Variants in CAMTA1 observed in about 807,000 individuals in gnomAD.
CAMTA1 encodes the protein calmodulin-binding transcription activator 1.
In CAMTA1, 27 loss-of-function variants were observed where a neutral mutation model predicts 170.9. The observed-to-expected ratio is 0.16, with a 90% CI of 0.12 to 0.22. The LOEUF is 0.22. Among genes scored for constraint, CAMTA1 ranks in the 10% least tolerant of loss-of-function variants. The pLI is 1.00. For synonymous variants in CAMTA1, 833 were observed against 891.5 expected (o/e 0.93, Z 1.17); for missense variants, 1,619 against 2,217.2 (o/e 0.73, Z 5.42).
At chr1:6,829,957 A>G (rs905834806) in intron 3 of CAMTA1, among the ~76,000 whole-genome samples, 6 of 152,186 alleles carry the variant, frequency 3.9e-5, no homozygotes, top group African/African-American at 1.4e-4. Context: ...TTCTTAGGAA[A>G]GTAGTTTTGA....
intron 3 of CAMTA1, among the ~76,000 whole-genome samples, chr1:6,992,939 T>C (rs1311217111): frequency 6.6e-6 from 1 of 152,248 alleles, no homozygotes; most frequent in African/African-American, 2.4e-5. Context: ...ATTGTTATTT[T>C]CCATAGTGAT....
intron 6 of CAMTA1, among the ~76,000 whole-genome samples, chr1:7,507,177 A>G (rs1489418967): frequency 6.6e-6 from 1 of 151,368 alleles, no homozygotes. Flanking sequence ...ACACGCTCAC[A>G]CTCACATACA....
chr1:6,975,347 A>G (rs1693227783), intron 3 of CAMTA1, among the ~76,000 whole-genome samples: 1 of 152,222 alleles, frequency 6.6e-6, no homozygotes. Flanking sequence ...GCGTCACTGC[A>G]TGCAAATTGT....
chr1:7,349,709 G>A (rs1027181342), intron 5 of CAMTA1, among the ~76,000 whole-genome samples: 1 of 152,204 alleles, frequency 6.6e-6, no homozygotes, highest in African/African-American at 2.4e-5. Context: ...ATCAGGGCCT[G>A]CCCTCCTGAC....
At chr1:7,613,930 G>C (rs542077172) in intron 6 of CAMTA1, among the ~76,000 whole-genome samples, 3 of 149,088 alleles carry the variant, frequency 2.0e-5, no homozygotes, top group African/African-American at 5.0e-5. Context: ...GAGAGATGGT[G>C]GGGGGGCAGG....
At chr1:7,601,165 C>G (rs1214103704) in intron 6 of CAMTA1, among the ~76,000 whole-genome samples, 1 of 116,278 alleles carries the variant, frequency 8.6e-6, no homozygotes. Flanking sequence ...AGGGGGCTGA[C>G]CCCCACCTCC....
At chr1:7,707,010 C>A (rs2096531586) in intron 11 of CAMTA1, among the ~76,000 whole-genome samples, 1 of 151,820 alleles carries the variant, frequency 6.6e-6, no homozygotes, top group African/African-American at 2.4e-5. Flanking sequence ...CCTCAGTCTC[C>A]CGAGTAGCTG....
At chr1:7,728,224 C>T (rs2096705575) in intron 11 of CAMTA1, among the ~76,000 whole-genome samples, 1 of 152,196 alleles carries the variant, frequency 6.6e-6, no homozygotes, top group African/African-American at 2.4e-5. Context: ...CGGGTGACGC[C>T]GTGGGCAGGG....
At chr1:7,536,549 C>T (rs1467373535) in intron 6 of CAMTA1, among the ~76,000 whole-genome samples, 1 of 152,148 alleles carries the variant, frequency 6.6e-6, no homozygotes, top group African/African-American at 2.4e-5. Context: ...CTGGGCAGGC[C>T]TTGACAGGGG....
chr1:7,419,312 T>A (rs949402152), intron 5 of CAMTA1, among the ~76,000 whole-genome samples: 1 of 152,150 alleles, frequency 6.6e-6, no homozygotes, highest in Non-Finnish European at 1.5e-5. Flanking sequence ...TCTGCCACCA[T>A]TCCTGGCTAA....
intron 19 of CAMTA1, among the ~76,000 whole-genome samples, chr1:7,749,195 T>C (rs897996358): frequency 1.3e-5 from 2 of 152,210 alleles, no homozygotes; most frequent in African/African-American, 4.8e-5. Flanking sequence ...CTAATATGTG[T>C]AATGGTCACA....
intron 5 of CAMTA1, among the ~76,000 whole-genome samples, chr1:7,451,397 C>T (rs2092821062): frequency 6.6e-6 from 1 of 152,142 alleles, no homozygotes; most frequent in African/African-American, 2.4e-5. Context: ...AGGTGGCCGC[C>T]CTCGCCACTG....
chr1:6,987,720 T>C (rs1184386579), intron 3 of CAMTA1, among the ~76,000 whole-genome samples: 1 of 152,212 alleles, frequency 6.6e-6, no homozygotes. Context: ...TCGTTGCTAT[T>C]GGATGCAATG....
chr1:7,745,933 C>G lies in CAMTA1; in HGVS notation c.4459C>G (p.Pro1487Ala). The G allele has an allele frequency of 3.1e-6, 5 of 1,614,160 alleles. No individual in the cohort carries two copies. Among genetic ancestry groups the G allele is most frequent in the Non-Finnish European group, 4.2e-6 (5 of 1,180,038 alleles). The change falls in exon 18 of 23, where the codon CCT becomes GCT. Residue 1487 changes from proline to alanine, a missense_variant. Pro to Ala is a conservative substitution (Grantham distance 27). This residue lies in a region of CAMTA1 where 370 missense variants were observed against 429.4 expected (regional missense o/e 0.86). Transcript: ENST00000303635. ...SPVSEIAFEKPNLPSAADWSE... is the reference protein window; with the variant it reads ...SPVSEIAFEKANLPSAADWSE... The stretch of plus-strand genomic sequence containing the variant: ...CGTCAGTGAAATCGCTTTCGAGAAA[C>G]CTAACCTTCCCTCCGCCGCGGATTG...
At position 7,398,605 on chromosome 1, in the gene CAMTA1, A is replaced by G. The variant is rs148881153; in HGVS notation, c.439-69225A>G. ...GGGAAACTTAATCCATTTACATTGA[A>G]TTTATTCCATAAGTTGGTGGAATAA... On this transcript the variant is annotated intron_variant, in intron 5 of 22. Coordinates refer to ENST00000303635, the MANE Select transcript of CAMTA1 (RefSeq NM_015215.4). Among the ~76,000 whole-genome samples the G allele has an allele frequency of 3.5e-4, 53 of 152,158 alleles. 1 individual carries two copies. In the East Asian group the frequency reaches 6.4e-3, roughly 18 times the overall value.
At chr1:7,187,168 G>T (rs576218955) in intron 4 of CAMTA1, among the ~76,000 whole-genome samples, 3 of 152,214 alleles carry the variant, frequency 2.0e-5, no homozygotes, top group East Asian at 3.9e-4. Context: ...AACCAAGATT[G>T]AAAATGACTC....
chr1:6,976,548 G>A (rs1030255412), intron 3 of CAMTA1, among the ~76,000 whole-genome samples: 6 of 152,286 alleles, frequency 3.9e-5, no homozygotes, highest in East Asian at 1.9e-4. Context: ...GCAGATCCAC[G>A]TGAAAGCCAG....
intron 5 of CAMTA1, among the ~76,000 whole-genome samples, chr1:7,323,815 T>G (rs1235038425): frequency 6.6e-6 from 1 of 152,214 alleles, no homozygotes; most frequent in African/African-American, 2.4e-5. Flanking sequence ...AGATCTTGAA[T>G]AAGTAACTGT....
intron 3 of CAMTA1, among the ~76,000 whole-genome samples, chr1:6,950,357 CAGTG>C (rs759204515): frequency 2.0e-5 from 3 of 152,202 alleles, no homozygotes; most frequent in Admixed American, 6.5e-5. Context: ...AAATTACAGA[CAGTG>C]AGAGTATTCC....
Sources: allele counts gnomAD v4.1 joint callset (sites outside exome capture counted in the v4.1 genomes callset), GRCh38; gene constraint gnomAD v4.1.1; regional missense constraint gnomAD v4.1.1; transcripts MANE v1.5; gene names NCBI Gene and HGNC (gene_info 2026-07-23, HGNC 2026-07-21).